MCF2L2: variants seen among roughly 807,000 people sequenced by gnomAD.
The protein encoded by MCF2L2 is MCF.2 cell line derived transforming sequence-like 2.
MCF2L2 carries 102 observed loss-of-function variants against 150.2 expected under a neutral mutation model. The ratio of observed to expected loss-of-function variants is 0.68; its 90% CI spans 0.58 to 0.80. The LOEUF is 0.80. MCF2L2 is among the 30% of genes least tolerant of loss of function. The pLI is 0.00. For synonymous variants in MCF2L2, 465 were observed against 491.3 expected (o/e 0.95, Z 0.71); for missense variants, 1,256 against 1,372.8 (o/e 0.91, Z 1.34).
chr3:183,318,671 G>A (rs1260470353), intron 6 of MCF2L2, among the ~76,000 whole-genome samples: 1 of 152,156 alleles, frequency 6.6e-6, no homozygotes, highest in African/African-American at 2.4e-5. Flanking sequence ...GAGATATTGT[G>A]GGTTTGGTTC....
chr3:183,193,322 T>C (rs1041060103), intron 26 of MCF2L2, among the ~76,000 whole-genome samples: 3 of 152,014 alleles, frequency 2.0e-5, no homozygotes, highest in South Asian at 4.1e-4. Context: ...ACAGCAAACA[T>C]CTAATTGGCT....
At chr3:183,238,727 G>C (rs1723860856) in intron 15 of MCF2L2, among the ~76,000 whole-genome samples, 1 of 151,058 alleles carries the variant, frequency 6.6e-6, no homozygotes, top group African/African-American at 2.4e-5. Context: ...GCCGGGCGCG[G>C]TGGCTCACGC....
Position 183,206,186 on chromosome 3 carries a change from C to G in MCF2L2, c.2741G>C (p.Gly914Ala). 3.1e-6 allele frequency: 5 copies of G among 1,614,130 alleles called. No individual in the cohort carries two copies. The highest frequency in any genetic ancestry group is 4.2e-6 in the Non-Finnish European group (5 of 1,180,004). Residue 914 changes from glycine to alanine, a missense_variant, in exon 24 of 30, where the codon GGA becomes GCA. Transcript: ENST00000328913. ...KLMTLSIRQL[G>A]RGSHRKFEIA... The stretch of plus-strand genomic sequence containing the variant: ...CTCAAACTTTCTATGGCTCCCCCTT[C>G]CAAGCTGGCGAATTGAAAGTGTCAT...
At chr3:183,248,258 C>G (rs373590615) in intron 15 of MCF2L2, among the ~76,000 whole-genome samples, 1 of 152,128 alleles carries the variant, frequency 6.6e-6, no homozygotes, top group African/African-American at 2.4e-5. Context: ...TTTGGACCAT[C>G]TGACCACCAA....
At chr3:183,258,059 C>T (rs1040949620) in intron 15 of MCF2L2, among the ~76,000 whole-genome samples, 2 of 150,526 alleles carry the variant, frequency 1.3e-5, no homozygotes, top group Non-Finnish European at 2.9e-5. Flanking sequence ...CCTCCGCCTC[C>T]TGGGTTCAAG....
intron 15 of MCF2L2, among the ~76,000 whole-genome samples, chr3:183,257,998 C>T (rs982964608): frequency 4.8e-5 from 5 of 103,684 alleles, no homozygotes; most frequent in African/African-American, 8.4e-5. Flanking sequence ...GACGGAGTCT[C>T]GCTCTGTTGC....
intron 15 of MCF2L2, among the ~76,000 whole-genome samples, chr3:183,239,286 C>T (rs1435411660): frequency 1.3e-5 from 2 of 152,032 alleles, no homozygotes; most frequent in African/African-American, 4.8e-5. Context: ...CCGCCCTTAG[C>T]TCATTAAAGG....
intron 18 of MCF2L2, chr3:183,226,653 T>G (rs1467968437): frequency 6.6e-6 from 1 of 152,226 alleles, no homozygotes; most frequent in Non-Finnish European, 1.5e-5. Context: ...TCCTCATATT[T>G]GAACAATTTG....
At position 183,311,665 on chromosome 3, in the gene MCF2L2, A is replaced by G. The variant is rs367662804; in HGVS notation, c.861T>C (p.Asn287=). ...TCACTCACCTTTCCATGGTAGTTAC[A>G]TTCTCAAGTTGGTTGAGATTGAGTT... is the stretch of plus-strand genomic sequence containing the variant. ...NSKLNLNQLE[N]VTTMERLLVQ... is the part of the protein sequence containing the mutation. The change falls in exon 8 of 30, where the codon AAT becomes AAC. Residue 287 remains asparagine (N), a synonymous_variant. Transcript: ENST00000328913. The G allele has an allele frequency of 1.2e-6, 2 of 1,613,920 alleles. No individual in the cohort carries two copies. The highest frequency in any genetic ancestry group is 1.7e-6 in the Non-Finnish European group (2 of 1,179,990).
chr3:183,389,570 G>C, intron 2 of MCF2L2, 126 bp downstream of exon 2: 1 of 760,472 alleles, frequency 1.3e-6, no homozygotes, highest in Non-Finnish European at 2.3e-6. Flanking sequence ...GCCTGTTCTA[G>C]TCCCGGGTGA....
chr3:183,207,904 T>C, intron 22 of MCF2L2, 81 bp from the exon 23 acceptor site: 1 of 1,038,672 alleles, frequency 9.6e-7, no homozygotes, highest in Non-Finnish European at 1.4e-6. Flanking sequence ...GTTTTCAAAT[T>C]TTATAAAGCA....
chr3:183,265,570 G>A (rs1415802437), intron 15 of MCF2L2: 1 of 152,284 alleles, frequency 6.6e-6, no homozygotes. Flanking sequence ...CAACAGTGTT[G>A]ACTTGTAATT....
intron 15 of MCF2L2, among the ~76,000 whole-genome samples, chr3:183,246,561 T>C (rs75675434): frequency 0.021 from 3,136 of 152,356 alleles, 51 homozygotes; most frequent in Non-Finnish European, 0.035. Flanking sequence ...TTTATGTGTC[T>C]ACCACATTTT....
In MCF2L2 at chr3:183,341,491, A is replaced by G. The variant is rs777849803; in HGVS notation, c.366+49T>C. 10 of 1,408,456 alleles carry G rather than the reference A, an allele frequency of 7.1e-6. No homozygotes were observed. In the South Asian group the frequency reaches 1.2e-4, roughly 16 times the overall value. 87.2% of individuals were successfully genotyped at this position (1,408,456 alleles called of 1,614,324 possible). ...GGACTTTGATATGAAATAGTTGAAC[A>G]GACAATTTAAATGACTTTTATAATA... is the stretch of plus-strand genomic sequence containing the variant. On this transcript the variant is annotated intron_variant, in intron 4 of 29. Coordinates refer to ENST00000328913, the MANE Select transcript of MCF2L2 (RefSeq NM_015078.4).
chr3:183,415,345 C>T (rs1452128193), intron 1 of MCF2L2, among the ~76,000 whole-genome samples: 2 of 152,146 alleles, frequency 1.3e-5, no homozygotes, highest in Non-Finnish European at 2.9e-5. Context: ...CGCCACCACA[C>T]CTGACTAATT....
rs560959457 is a variant in MCF2L2 at position 183,290,263 on chromosome 3, C to G, written c.1676-1043G>C. Among the ~76,000 whole-genome samples, 3 of 152,252 alleles carry G rather than the reference C, an allele frequency of 2.0e-5. No homozygotes were observed. The South Asian group carries it at 6.2e-4, about 32-fold the overall frequency. ...CTCTTGCTCTTTTCTCTTGGCCACT[C>G]TATCTCCCTTCTCCCCACCTGGGAA... On this transcript the variant is annotated intron_variant, in intron 13 of 29. Transcript: ENST00000328913.
chr3:183,214,821 C>T (rs1280064758), intron 22 of MCF2L2, among the ~76,000 whole-genome samples: 2 of 144,130 alleles, frequency 1.4e-5, no homozygotes. Flanking sequence ...CCCGTCTCTA[C>T]TAAAAATACA....
At chr3:183,243,944 G>T (rs1724140776) in intron 15 of MCF2L2, among the ~76,000 whole-genome samples, 1 of 152,066 alleles carries the variant, frequency 6.6e-6, no homozygotes, top group African/African-American at 2.4e-5. Flanking sequence ...AGACCACAGT[G>T]AAACCCCATC....
At chr3:183,334,397 G>C (rs556588478) in intron 5 of MCF2L2, among the ~76,000 whole-genome samples, 35 of 152,246 alleles carry the variant, frequency 2.3e-4, no homozygotes, top group Middle Eastern at 3.4e-3. Flanking sequence ...ACTTTGACTA[G>C]GGGATCAAAA....
Sources: allele counts gnomAD v4.1 joint callset (sites outside exome capture counted in the v4.1 genomes callset), GRCh38; gene constraint gnomAD v4.1.1; transcripts MANE v1.5; gene names NCBI Gene and HGNC (gene_info 2026-07-23, HGNC 2026-07-21).